The following SH3TC2 variants were observed in gnomAD, a reference collection of about 807,000 sequenced individuals.
SH3TC2 encodes SH3 domain and tetratricopeptide repeat-containing protein 2.
A neutral mutation model predicts 124.5 loss-of-function variants in SH3TC2; 87 were observed. That is an observed-to-expected ratio of 0.70 (90% CI 0.59 to 0.84). The LOEUF is 0.84. SH3TC2 is among the 40% of genes least tolerant of loss of function. The pLI is 0.00. For synonymous variants in SH3TC2, 634 were observed against 628.5 expected, an observed-to-expected ratio of 1.01 and a Z score of -0.13; for missense variants, 1,536 against 1,566.4, an observed-to-expected ratio of 0.98 and a Z score of 0.33.
In SH3TC2 at chr5:148,990,523, G is replaced by T. The variant is rs532583447; in HGVS notation, c.*14188C>A. ...GAGCAGCTTGGTGGCGAACAGCATGGGCCCTTGGACCAGATCAATTGAATG... is the reference window on the plus strand; with the variant it reads ...GAGCAGCTTGGTGGCGAACAGCATGTGCCCTTGGACCAGATCAATTGAATG... On this transcript the variant is annotated 3_prime_UTR_variant, in exon 17 of 17. Transcript: ENST00000515425. 6.6e-6 allele frequency among the ~76,000 whole-genome samples: 1 copy of T among 152,074 alleles called. No homozygotes were observed. Among genetic ancestry groups the T allele is most frequent in the Non-Finnish European group, 1.5e-5 (1 of 68,026 alleles).
chr5:149,005,925 C>T (rs1194937508), intron 16 of SH3TC2, among the ~76,000 whole-genome samples: 3 of 152,078 alleles, frequency 2.0e-5, no homozygotes, highest in Non-Finnish European at 4.4e-5. Context: ...AGGGTTGTAA[C>T]AGAGATTTGC....
chr5:149,055,494 GA>G (rs138389134), intron 1 of SH3TC2, among the ~76,000 whole-genome samples: 17 of 145,692 alleles, frequency 1.2e-4, no homozygotes, highest in Admixed American at 2.0e-4. Flanking sequence ...TGGCTAAAAT[GA>G]AAAAAAAAAG....
rs961528754 is a variant in SH3TC2, at chr5:148,983,773, C to A, written c.*20938G>T. On this transcript the variant is annotated 3_prime_UTR_variant, in exon 17 of 17. Coordinates refer to ENST00000515425, the MANE Select transcript of SH3TC2 (RefSeq NM_024577.4). ...ATGTCCAGAGCTTTTGTCCAAAGTG[C>A]TAGGGAATAAGACACTCTTTTTTCT... Among the ~76,000 whole-genome samples, 1 of 152,102 alleles carries A rather than the reference C, an allele frequency of 6.6e-6. No homozygotes were observed. Among genetic ancestry groups the A allele is most frequent in the African/African-American group, 2.4e-5 (1 of 41,410 alleles).
chr5:149,049,251 G>A (rs772035224), intron 2 of SH3TC2, among the ~76,000 whole-genome samples: 7 of 152,106 alleles, frequency 4.6e-5, no homozygotes, highest in African/African-American at 9.7e-5. Flanking sequence ...TCAGCACCCC[G>A]CATCCATCCA....
Position 149,020,113 on chromosome 5 carries a change from A to AACACACACACACACACACAC in SH3TC2, c.3053+6439_3053+6458dup, listed in dbSNP as rs56088659. The stretch of plus-strand genomic sequence containing the variant: ...ATGTGGAGCAAACAAGAAAAGGTCA[A>AACACACACACACACACACAC]ACACACACACACACACACACACACA... On this transcript the variant is annotated intron_variant, in intron 12 of 16. Coordinates refer to ENST00000515425, the MANE Select transcript of SH3TC2 (RefSeq NM_024577.4). Among the ~76,000 whole-genome samples the AACACACACACACACACACAC allele has an allele frequency of 4.3e-3, 632 of 146,900 alleles. 3 individuals carry two copies. The highest frequency in any genetic ancestry group is 0.011 in the African/African-American group (413 of 39,056).
intron 1 of SH3TC2, among the ~76,000 whole-genome samples, chr5:149,058,895 A>G (rs1472588349): frequency 3.3e-5 from 5 of 152,188 alleles, no homozygotes; most frequent in African/African-American, 1.2e-4. Context: ...TACTTGGGTA[A>G]CCTGGGAAGG....
intron 12 of SH3TC2, among the ~76,000 whole-genome samples, chr5:149,018,790 C>T (rs2127394794): frequency 6.6e-6 from 1 of 152,344 alleles, no homozygotes; most frequent in Non-Finnish European, 1.5e-5. Context: ...CTCTCCATGG[C>T]TACTGCTATT....
chr5:149,052,117 G>T, intron 2 of SH3TC2, 25 bp downstream of exon 2: 1 of 1,483,108 alleles, frequency 6.7e-7, no homozygotes, highest in Non-Finnish European at 9.4e-7. Flanking sequence ...TGGAAGAATA[G>T]GGCTTGTCTT....
intron 12 of SH3TC2, among the ~76,000 whole-genome samples, chr5:149,020,322 A>C (rs1753947973): frequency 6.6e-6 from 1 of 152,256 alleles, no homozygotes; most frequent in Non-Finnish European, 1.5e-5. Flanking sequence ...AAAATAACTG[A>C]AAGAAATACA....
chr5:148,983,459 A>G lies in SH3TC2; in HGVS notation c.*21252T>C, dbSNP rs1467162440. Among the ~76,000 whole-genome samples the G allele has an allele frequency of 6.6e-6, 1 of 152,190 alleles. No homozygotes were observed. Among genetic ancestry groups the G allele is most frequent in the Non-Finnish European group, 1.5e-5 (1 of 68,022 alleles). ...GCTGGGAATAGGAGCATCTTGTTAG[A>G]TGCATGCTGAACCCCCGAACTCAGT... On this transcript the variant is annotated 3_prime_UTR_variant, in exon 17 of 17. Transcript: ENST00000515425.
intron 15 of SH3TC2, chr5:149,008,055 T>C (rs1753720839): frequency 6.6e-6 from 1 of 152,424 alleles, no homozygotes; most frequent in South Asian, 2.1e-4. Context: ...AGGAAAAAGG[T>C]AGGGAAAAGA....
In SH3TC2 at chr5:149,007,472, A is replaced by G. The variant is rs1753710023; in HGVS notation, c.3479-395T>C. Reference sequence around the variant, plus strand: ...TAAACCCTTTTAATGGGACATGGTGACAAGTCTAGCTTGATGGAGTAGCTA... The same window carrying G: ...TAAACCCTTTTAATGGGACATGGTGGCAAGTCTAGCTTGATGGAGTAGCTA... On this transcript the variant is annotated intron_variant, in intron 15 of 16. Transcript: ENST00000515425. 7 of 433,904 alleles carry G rather than the reference A, an allele frequency of 1.6e-5. No individual in the cohort carries two copies. The South Asian group carries it at 2.0e-4, about 12-fold the overall frequency. 26.9% of individuals were successfully genotyped at this position (433,904 alleles called of 1,614,324 possible).
intron 1 of SH3TC2, among the ~76,000 whole-genome samples, chr5:149,059,212 C>T (rs915955105): frequency 2.0e-5 from 3 of 152,116 alleles, no homozygotes; most frequent in Non-Finnish European, 2.9e-5. Flanking sequence ...CATGATTTTA[C>T]TGAGATCACA....
intron 12 of SH3TC2, among the ~76,000 whole-genome samples, chr5:149,024,548 C>T (rs1296200264): frequency 8.5e-5 from 13 of 152,196 alleles, no homozygotes; most frequent in Non-Finnish European, 4.4e-5. Flanking sequence ...GTCCCAGACT[C>T]AACGTTTTAC....
At position 149,012,678 on chromosome 5, in the gene SH3TC2, A is replaced by C; in HGVS notation, c.3110T>G (p.Leu1037Arg). ...IKESLRIFID[L>R]GETDKAAEAW... ...CTCAGCAGCCTTGTCTGTCTCCCCC[A>C]GGTCAATGAAGATACGCAGGCTCTC... Residue 1037 changes from leucine (L) to arginine (R), a missense_variant, in exon 13 of 17, where the codon CTG (leucine) becomes CGG (arginine). Physicochemically the swap from Leu to Arg is moderately radical, Grantham distance 102 (BLOSUM62 -2). Transcript: ENST00000515425. 6.8e-6 allele frequency: 11 copies of C among 1,614,166 alleles called. No homozygotes were observed. Among genetic ancestry groups the C allele is most frequent in the Non-Finnish European group, 8.5e-6 (10 of 1,180,032 alleles).
At position 149,004,085 on chromosome 5, in the gene SH3TC2, C is replaced by T. The variant is rs781581124; in HGVS notation, c.*626G>A. On this transcript the variant is annotated 3_prime_UTR_variant, in exon 17 of 17. Coordinates refer to ENST00000515425, the MANE Select transcript of SH3TC2 (RefSeq NM_024577.4). Reference sequence around the variant, plus strand: ...GAGCTTCTGGGAGGTTATGTGGGAGCACAGCCTTATGGCAGGAGGAAGATG... The same window carrying T: ...GAGCTTCTGGGAGGTTATGTGGGAGTACAGCCTTATGGCAGGAGGAAGATG... 2.6e-4 allele frequency: 53 copies of T among 202,430 alleles called. No individual in the cohort carries two copies. The highest frequency in any genetic ancestry group is 7.2e-4 in the Admixed American group (13 of 18,118). The allele number at this position is 202,430 out of a possible 1,614,324, so 12.5% of individuals were successfully genotyped here. A position where few individuals can be genotyped will look rare whatever the true frequency, so the allele number is the denominator to read the frequency against.
At chr5:149,041,184 G>A (rs1754365321) in intron 6 of SH3TC2, among the ~76,000 whole-genome samples, 1 of 152,162 alleles carries the variant, frequency 6.6e-6, no homozygotes, top group South Asian at 2.1e-4. Context: ...TGGTATATTT[G>A]CTGCTAGGTA....
At chr5:149,014,654 T>C (rs1753840598) in intron 12 of SH3TC2, among the ~76,000 whole-genome samples, 1 of 152,244 alleles carries the variant, frequency 6.6e-6, no homozygotes, top group African/African-American at 2.4e-5. Context: ...CTGGCCACTC[T>C]TTCTCAAGTT....
chr5:149,009,330 A>G (rs1176613967), intron 14 of SH3TC2, among the ~76,000 whole-genome samples: 1 of 152,198 alleles, frequency 6.6e-6, no homozygotes, highest in Non-Finnish European at 1.5e-5. Flanking sequence ...CCTAGCATCC[A>G]TGGTGCTATC....
Sources: gnomAD v4.1 joint callset for allele counts (sites outside exome capture counted in the v4.1 genomes callset) on GRCh38, gnomAD v4.1.1 for gene constraint, MANE v1.5 for transcripts, NCBI Gene and HGNC (gene_info 2026-07-23, HGNC 2026-07-21) for gene names.